LARGE1: variants seen among roughly 807,000 people sequenced by gnomAD.
LARGE1 encodes the protein LARGE xylosyl- and glucuronyltransferase 1.
In LARGE1, 43 loss-of-function variants were observed where a neutral mutation model predicts 87.6. The ratio of observed to expected loss-of-function variants is 0.49; its 90% CI spans 0.38 to 0.63. LARGE1 has a LOEUF of 0.63. Among genes scored for constraint, LARGE1 ranks in the 30% least tolerant of loss-of-function variants. LARGE1 has a pLI of 0.00. For synonymous variants in LARGE1, 434 were observed against 394.6 expected (o/e 1.10, Z -1.18); for missense variants, 802 against 1,000.2 (o/e 0.80, Z 2.67).
chr22:33,217,966 G>T (rs1925283917), intron 11 of LARGE1, among the ~76,000 whole-genome samples: 1 of 150,772 alleles, frequency 6.6e-6, no homozygotes, highest in African/African-American at 2.4e-5. Flanking sequence ...GTCTCACTCT[G>T]TCGCCCAGGC....
intron 12 of LARGE1, among the ~76,000 whole-genome samples, chr22:33,283,672 G>A (rs549362631): frequency 1.2e-4 from 19 of 152,144 alleles, no homozygotes; most frequent in African/African-American, 4.6e-4. Flanking sequence ...AGCTACTTGG[G>A]GGACTGAGGC....
chr22:33,150,010 G>C, the LARGE1 span, among the ~76,000 whole-genome samples: 2 of 152,144 alleles, frequency 1.3e-5, no homozygotes, highest in Non-Finnish European at 2.9e-5. Flanking sequence ...TAACCCAAAA[G>C]TCCCATAGAC....
chr22:33,604,235 A>G (rs2079187524), intron 5 of LARGE1, among the ~76,000 whole-genome samples, 200 bp downstream of exon 5: 1 of 152,170 alleles, frequency 6.6e-6, no homozygotes, highest in African/African-American at 2.4e-5. Flanking sequence ...TCACAGACCA[A>G]AGTGGATTTT....
chr22:33,144,195 A>G, the LARGE1 span, among the ~76,000 whole-genome samples: 1 of 152,130 alleles, frequency 6.6e-6, no homozygotes, highest in East Asian at 1.9e-4. Context: ...TTCATGCCCA[A>G]AAAAGTGATT....
chr22:33,072,103 C>A, the LARGE1 span, among the ~76,000 whole-genome samples: 1 of 152,176 alleles, frequency 6.6e-6, no homozygotes, highest in Non-Finnish European at 1.5e-5. Context: ...CCTCCCCATG[C>A]AGAACGTACT....
chr22:33,852,098 AAGCAGATAGC>A (rs2063599511), intron 1 of LARGE1, among the ~76,000 whole-genome samples: 1 of 152,236 alleles, frequency 6.6e-6, no homozygotes, highest in African/African-American at 2.4e-5. Context: ...GGCTGGCTCT[AAGCAGATAGC>A]AGCAGAAGGA....
intron 1 of LARGE1, among the ~76,000 whole-genome samples, chr22:33,814,207 C>G (rs980222070): frequency 2.0e-5 from 3 of 152,180 alleles, no homozygotes; most frequent in African/African-American, 7.2e-5. Context: ...CTAAGTGCCT[C>G]TATCACTCAA....
intron 1 of LARGE1, among the ~76,000 whole-genome samples, chr22:33,821,764 G>A (rs184565313): frequency 6.6e-6 from 1 of 152,050 alleles, no homozygotes; most frequent in East Asian, 1.9e-4. Context: ...TGCTATCAAA[G>A]GAGTTCAATT....
chr22:33,906,055 G>A (rs565749139), intron 1 of LARGE1, among the ~76,000 whole-genome samples: 6 of 152,294 alleles, frequency 3.9e-5, no homozygotes, highest in African/African-American at 1.4e-4. Flanking sequence ...GCTTAAACCT[G>A]GGAGGCGGAG....
At chr22:33,500,910 G>A (rs2070393907) in intron 6 of LARGE1, among the ~76,000 whole-genome samples, 1 of 152,176 alleles carries the variant, frequency 6.6e-6, no homozygotes, top group Non-Finnish European at 1.5e-5. Context: ...AGAAATAGAA[G>A]ATCATTCACT....
At chr22:33,870,499 A>G (rs1408630219) in intron 1 of LARGE1, among the ~76,000 whole-genome samples, 2 of 152,186 alleles carry the variant, frequency 1.3e-5, no homozygotes, top group Non-Finnish European at 2.9e-5. Flanking sequence ...TGCTTTACAG[A>G]CAAACTCATT....
chr22:33,858,441 G>T (rs912712201), intron 1 of LARGE1, among the ~76,000 whole-genome samples: 1 of 152,204 alleles, frequency 6.6e-6, no homozygotes, highest in African/African-American at 2.4e-5. Flanking sequence ...TTGCTGGCTC[G>T]AATGCCTGGG....
At chr22:33,865,841 T>C (rs2064083809) in intron 1 of LARGE1, among the ~76,000 whole-genome samples, 4 of 95,038 alleles carry the variant, frequency 4.2e-5, no homozygotes, top group Non-Finnish European at 7.9e-5. Flanking sequence ...TCTTTTTTTT[T>C]TTTTTTTTTT....
At chr22:33,702,933 C>CTAAAGGG (rs2082442306) in intron 2 of LARGE1, among the ~76,000 whole-genome samples, 1 of 152,078 alleles carries the variant, frequency 6.6e-6, no homozygotes, top group South Asian at 2.1e-4. Context: ...AGACGGGGTT[C>CTAAAGGG]TAAAGGGTGA....
intron 4 of LARGE1, among the ~76,000 whole-genome samples, chr22:33,609,078 A>G (rs1343040201): frequency 1.1e-4 from 17 of 152,220 alleles, no homozygotes; most frequent in Non-Finnish European, 5.9e-5. Context: ...AAGCACAGAC[A>G]AAAAACGGGC....
At chr22:33,468,608 G>A (rs1481113370) in intron 6 of LARGE1, among the ~76,000 whole-genome samples, 3 of 152,114 alleles carry the variant, frequency 2.0e-5, no homozygotes, top group African/African-American at 7.2e-5. Flanking sequence ...TATTTCCTAG[G>A]AACACAAGAT....
In LARGE1 at chr22:33,412,158, C is replaced by T. The variant is rs4821146; in HGVS notation, c.892+20003G>A. On this transcript the variant is annotated intron_variant, in intron 7 of 14. Transcript: ENST00000397394. ...AATTAGCCAGGCGTGGTGGCACGCG[C>T]TTGTAGTCCCAGCTACTCGAGAGGC... Among the ~76,000 whole-genome samples the T allele has an allele frequency of 5.1e-3, 775 of 152,198 alleles. 17 individuals are homozygous for T. Among genetic ancestry groups the T allele is most frequent in the Admixed American group, 0.034 (519 of 15,272 alleles).
chr22:33,594,576 C>T (rs774845628), intron 5 of LARGE1, among the ~76,000 whole-genome samples: 1 of 152,128 alleles, frequency 6.6e-6, no homozygotes, highest in Non-Finnish European at 1.5e-5. Flanking sequence ...CCAACTCCGT[C>T]ATTATAACCA....
At chr22:33,589,700 G>A (rs2078781952) in intron 5 of LARGE1, among the ~76,000 whole-genome samples, 1 of 152,114 alleles carries the variant, frequency 6.6e-6, no homozygotes, top group Non-Finnish European at 1.5e-5. Flanking sequence ...TGAAAGAAGT[G>A]GAGGCTATTA....
Sources: gnomAD v4.1 joint callset for allele counts (sites outside exome capture counted in the v4.1 genomes callset) on GRCh38, gnomAD v4.1.1 for gene constraint, MANE v1.5 for transcripts, NCBI Gene and HGNC (gene_info 2026-07-23, HGNC 2026-07-21) for gene names.